SOX6: variants seen among roughly 807,000 people sequenced by gnomAD.
The protein encoded by SOX6 is SRY-box transcription factor 6, also known as transcription factor SOX-6.
A neutral mutation model predicts 97.8 loss-of-function variants in SOX6; 11 were observed. The ratio of observed to expected loss-of-function variants is 0.11; its 90% CI spans 0.07 to 0.19. SOX6 has a LOEUF of 0.19. SOX6 is among the 10% of genes least tolerant of loss of function. The pLI, the probability that SOX6 is intolerant of heterozygous loss-of-function variation, is 1.00. For synonymous variants in SOX6, 360 were observed against 371.4 expected, an observed-to-expected ratio of 0.97 and a Z score of 0.35; for missense variants, 810 against 1,039.5, an observed-to-expected ratio of 0.78 and a Z score of 3.04.
intron 4 of SOX6, among the ~76,000 whole-genome samples, chr11:16,210,842 G>T (rs561431567): frequency 6.6e-6 from 1 of 152,224 alleles, no homozygotes; most frequent in East Asian, 1.9e-4. Flanking sequence ...ATAAATACAA[G>T]AAATGACCAA....
chr11:16,674,168 C>T (rs377529843), intron 3 of SOX6, among the ~76,000 whole-genome samples: 79 of 111,856 alleles, frequency 7.1e-4, no homozygotes, highest in African/African-American at 1.7e-3. Context: ...CCAGCCTGGG[C>T]GACAGAGTGA....
intron 4 of SOX6, among the ~76,000 whole-genome samples, chr11:16,213,794 C>A (rs1486248145): frequency 6.6e-6 from 1 of 152,048 alleles, no homozygotes; most frequent in African/African-American, 2.4e-5. Context: ...TTATGAACAC[C>A]AATTTCAAAA....
chr11:16,228,961 T>C (rs1852766286), intron 4 of SOX6, among the ~76,000 whole-genome samples: 1 of 152,066 alleles, frequency 6.6e-6, no homozygotes, highest in Admixed American at 6.6e-5. Flanking sequence ...TTAAGTAAAA[T>C]CTAAAAGGGA....
chr11:16,344,299 C>T (rs903353061), intron 1 of SOX6, among the ~76,000 whole-genome samples: 2 of 151,754 alleles, frequency 1.3e-5, no homozygotes, highest in South Asian at 4.2e-4. Context: ...ATAAAATGTG[C>T]ACAAATTGTT....
chr11:16,040,072 A>G (rs947936056), intron 12 of SOX6, among the ~76,000 whole-genome samples: 2 of 152,044 alleles, frequency 1.3e-5, no homozygotes, highest in Non-Finnish European at 2.9e-5. Flanking sequence ...TCTTTCACAG[A>G]ATGTATGCAA....
rs570838154 is a variant in SOX6 at position 16,688,149 on chromosome 11, T to C, written n.429+26681A>G. Among the ~76,000 whole-genome samples the C allele has an allele frequency of 1.9e-4, 29 of 152,182 alleles. No individual in the cohort carries two copies. In the South Asian group the frequency reaches 5.6e-3, roughly 29 times the overall value. On this transcript the variant is annotated intron_variant and non_coding_transcript_variant, in intron 3 of 5. Transcript: ENST00000524520. The stretch of plus-strand genomic sequence containing the variant: ...CACCACACCTGGCTAATTTTGTTTA[T>C]TTTTTATAGAGATGAGGTCTTACTA...
chr11:16,559,574 A>G (rs1035859059), intron 4 of SOX6, among the ~76,000 whole-genome samples: 1 of 151,998 alleles, frequency 6.6e-6, no homozygotes, highest in Non-Finnish European at 1.5e-5. Flanking sequence ...AAAAGTACTC[A>G]ATACACCATT....
chr11:16,024,417 G>C (rs1202655091), intron 12 of SOX6, among the ~76,000 whole-genome samples: 1 of 151,398 alleles, frequency 6.6e-6, no homozygotes, highest in Non-Finnish European at 1.5e-5. Flanking sequence ...GCATATTTTA[G>C]AGATAAGGTC....
rs5789938 is a variant in SOX6 at position 16,095,914 on chromosome 11, T to TAA, written c.1101+80_1101+81dup. 2.6e-3 allele frequency: 3,234 copies of TAA among 1,234,068 alleles called. 14 individuals carry two copies. In the East Asian group the frequency reaches 0.041, roughly 16 times the overall value. The allele number at this position is 1,234,068 out of a possible 1,614,324, so 76.4% of individuals were successfully genotyped here. A position where few individuals can be genotyped will look rare whatever the true frequency, so the allele number is the denominator to read the frequency against. ...TGTTTAGGTTGAGTGTTTGCCACTT[T>TAA]AAAAAAAAAAAAAAAAAGCCTAGAG... is the stretch of plus-strand genomic sequence containing the variant. On this transcript the variant is annotated intron_variant, in intron 9 of 15. Transcript: ENST00000683767.
chr11:16,201,423 C>T (rs1851933279), intron 4 of SOX6, among the ~76,000 whole-genome samples: 1 of 151,464 alleles, frequency 6.6e-6, no homozygotes, highest in African/African-American at 2.4e-5. Flanking sequence ...ATATGAATGG[C>T]ACTATTCTTT....
intron 13 of SOX6, among the ~76,000 whole-genome samples, chr11:15,992,504 G>C (rs930275370): frequency 6.6e-6 from 1 of 152,056 alleles, no homozygotes; most frequent in Non-Finnish European, 1.5e-5. Flanking sequence ...ACTATCTTAT[G>C]ACTATGCAAA....
chr11:16,297,676 C>T (rs1855138011), intron 3 of SOX6, among the ~76,000 whole-genome samples: 1 of 152,156 alleles, frequency 6.6e-6, no homozygotes, highest in Admixed American at 6.6e-5. Context: ...TAGTCACACG[C>T]AGTGGGAGCT....
intron 9 of SOX6, among the ~76,000 whole-genome samples, chr11:16,058,473 T>C (rs1847871204): frequency 6.6e-6 from 1 of 152,118 alleles, no homozygotes; most frequent in Non-Finnish European, 1.5e-5. Flanking sequence ...AAAAGCTGAC[T>C]GGAAGGTCTA....
intron 1 of SOX6, among the ~76,000 whole-genome samples, chr11:16,426,968 T>C (rs1361628300): frequency 7.3e-6 from 1 of 137,856 alleles, no homozygotes; most frequent in Non-Finnish European, 1.6e-5. Flanking sequence ...TATACAAAAA[T>C]TAATTCAAGA....
intron 6 of SOX6, among the ~76,000 whole-genome samples, chr11:16,115,268 C>T (rs566640578): frequency 6.6e-6 from 1 of 152,280 alleles, no homozygotes; most frequent in South Asian, 2.1e-4. Context: ...TCAGCAATAT[C>T]TGGGAACCTT....
chr11:16,552,536 T>C (rs1041611130), intron 4 of SOX6, among the ~76,000 whole-genome samples: 1 of 152,222 alleles, frequency 6.6e-6, no homozygotes. Context: ...GCCAAACATT[T>C]ATTGCATCCA....
At chr11:15,977,648 T>C (rs988683149) in intron 15 of SOX6, among the ~76,000 whole-genome samples, 14 of 152,076 alleles carry the variant, frequency 9.2e-5, no homozygotes, top group Non-Finnish European at 1.6e-4. Context: ...CTGCCTACTC[T>C]GTTTAGCCAC....
At chr11:16,409,949 A>C (rs914944711) in intron 1 of SOX6, among the ~76,000 whole-genome samples, 9 of 152,174 alleles carry the variant, frequency 5.9e-5, no homozygotes, top group African/African-American at 1.9e-4. Flanking sequence ...TTATATGTGG[A>C]ATCTAAAACA....
At chr11:15,979,670 G>A (rs948690940) in intron 15 of SOX6, among the ~76,000 whole-genome samples, 1 of 151,982 alleles carries the variant, frequency 6.6e-6, no homozygotes, top group African/African-American at 2.4e-5. Flanking sequence ...CTTGGAACAA[G>A]CTAGGCACAA....
Sources: allele counts gnomAD v4.1 joint callset (sites outside exome capture counted in the v4.1 genomes callset), GRCh38; gene constraint gnomAD v4.1.1; transcripts MANE v1.5; gene names NCBI Gene and HGNC (gene_info 2026-07-23, HGNC 2026-07-21).